ERICH1: variants seen among roughly 807,000 people sequenced by gnomAD.
ERICH1 encodes the protein glutamate rich 1.
In ERICH1, 56 loss-of-function variants were observed where a neutral mutation model predicts 39.6. That is an observed-to-expected ratio of 1.41 (90% CI 1.14 to 1.77). The LOEUF is 1.77. ERICH1 is among the 40% of genes most tolerant of loss of function. The pLI is 0.00. For missense variants in ERICH1, 826 were observed against 575.4 expected (o/e 1.44, Z -4.45); for synonymous variants, 313 against 223.6 (o/e 1.40, Z -3.57).
At chr8:689,316 G>C (rs1195734516) in intron 3 of ERICH1, among the ~76,000 whole-genome samples, 1 of 152,196 alleles carries the variant, frequency 6.6e-6, no homozygotes, top group Non-Finnish European at 1.5e-5. Context: ...TCGCCATGTT[G>C]GCCAGGCTGT....
chr8:674,078 C>A, intron 3 of ERICH1, 31 bp from the exon 4 acceptor site: 1 of 1,509,156 alleles, frequency 6.6e-7, no homozygotes, highest in South Asian at 1.3e-5. Flanking sequence ...TAACAATTTT[C>A]AGTACAATGA....
rs139731216 is a variant in ERICH1 at position 708,681 on chromosome 8, G to GTTTTT, written c.169+7175_169+7179dup. 2.1e-3 allele frequency among the ~76,000 whole-genome samples: 137 copies of GTTTTT among 65,752 alleles called. 10 individuals are homozygous for GTTTTT. The highest frequency in any genetic ancestry group is 6.2e-3 in the African/African-American group (108 of 17,524). 43.1% of individuals were successfully genotyped at this position (65,752 alleles called of 152,430 possible). ...GGGCTGAGTGGTTACGGGATAATGA[G>GTTTTT]TTTTTTTTTTTTTTTTTTTTTTTTT... On this transcript the variant is annotated intron_variant, in intron 2 of 5. Transcript: ENST00000262109.
In ERICH1 at chr8:679,792, G is replaced by T. The variant is rs1194111188; in HGVS notation, c.305-5745C>A. 5.9e-5 allele frequency among the ~76,000 whole-genome samples: 9 copies of T among 152,348 alleles called. No homozygotes were observed. In the South Asian group the frequency reaches 1.7e-3, roughly 28 times the overall value. ...ACTGGGGCTCCAGGCAGGGCACCAGGGAGACAACGTGTGCAAGAGCTGGAA... is the reference window on the plus strand; with the variant it reads ...ACTGGGGCTCCAGGCAGGGCACCAGTGAGACAACGTGTGCAAGAGCTGGAA... On this transcript the variant is annotated intron_variant, in intron 3 of 5. Transcript: ENST00000262109.
At chr8:711,407 A>G (rs896158577) in intron 2 of ERICH1, among the ~76,000 whole-genome samples, 2 of 152,300 alleles carry the variant, frequency 1.3e-5, no homozygotes, top group Non-Finnish European at 2.9e-5. Flanking sequence ...TGTTGTAGCT[A>G]AAAAGTCACT....
chr8:718,511 T>C (rs978632538), intron 1 of ERICH1, among the ~76,000 whole-genome samples: 21 of 152,104 alleles, frequency 1.4e-4, no homozygotes, highest in Admixed American at 1.1e-3. Context: ...CTGATATAGG[T>C]GTACAGTACA....
At chr8:643,710 C>T (rs149025204) in intron 3 of ERICH1, among the ~76,000 whole-genome samples, 184 of 152,332 alleles carry the variant, frequency 1.2e-3, no homozygotes, top group Admixed American at 3.6e-3. Flanking sequence ...TCCGCGACTT[C>T]GGGAGCTTGT....
At chr8:614,860 T>G (rs568114716) in exon 4 of ERICH1, 9 of 199,374 alleles carry the variant, frequency 4.5e-5, no homozygotes, top group African/African-American at 1.8e-4. Context: ...CAGGTGGAAG[T>G]TGGATGGGAA....
Position 692,513 on chromosome 8 carries a change from C to T in ERICH1, c.269G>A (p.Ser90Asn), listed in dbSNP as rs1415440556. 7.4e-6 allele frequency: 12 copies of T among 1,613,956 alleles called. No homozygotes were observed. Among genetic ancestry groups the T allele is most frequent in the Non-Finnish European group, 1.0e-5 (12 of 1,179,992 alleles). The change falls in exon 3 of 6, where the codon AGC becomes AAC. Residue 90 changes from serine to asparagine, a missense_variant. Transcript: ENST00000262109. ...PCWPEPSSCG[S>N]PENASSGDDT... ...ATCCCCGCTGGAGGCGTTCTCGGGG[C>T]TCCCACAGCTGCTGGGCTCCGGCCA...
chr8:657,886 C>T (rs1224059216), intron 3 of ERICH1, among the ~76,000 whole-genome samples: 1 of 152,182 alleles, frequency 6.6e-6, no homozygotes, highest in African/African-American at 2.4e-5. Flanking sequence ...GCACTGCCTT[C>T]AACCCCAGCC....
At chr8:719,221 G>C (rs1448116353) in intron 1 of ERICH1, among the ~76,000 whole-genome samples, 7 of 152,178 alleles carry the variant, frequency 4.6e-5, no homozygotes, top group African/African-American at 1.7e-4. Context: ...CCCCAGCCCT[G>C]GCTGTTTGAG....
intron 3 of ERICH1, among the ~76,000 whole-genome samples, chr8:678,359 CACA>C (rs1363449454): frequency 5.3e-5 from 8 of 152,020 alleles, no homozygotes; most frequent in African/African-American, 4.8e-5. Context: ...GGATACTGCA[CACA>C]ACGACATGCA....
intron 3 of ERICH1, among the ~76,000 whole-genome samples, chr8:621,731 C>G (rs937140923): frequency 6.6e-6 from 1 of 151,808 alleles, no homozygotes; most frequent in Non-Finnish European, 1.5e-5. Context: ...GACTAAATTA[C>G]CAAAGTTAGA....
chr8:701,103 T>TA (rs55832869), intron 2 of ERICH1, among the ~76,000 whole-genome samples: 108,453 of 151,320 alleles, frequency 0.72, 39,889 homozygotes, highest in Non-Finnish European at 0.8. Context: ...GACCTGATTT[T>TA]AAACACACAT....
chr8:693,457 C>A (rs1809406756), intron 2 of ERICH1, among the ~76,000 whole-genome samples: 1 of 152,252 alleles, frequency 6.6e-6, no homozygotes, highest in African/African-American at 2.4e-5. Flanking sequence ...GACTTAACCA[C>A]TTTCCTCAAT....
chr8:691,428 G>C (rs1272206913), intron 3 of ERICH1, among the ~76,000 whole-genome samples: 3 of 152,360 alleles, frequency 2.0e-5, no homozygotes, highest in African/African-American at 7.2e-5. Context: ...GGCCTGTCCT[G>C]GGAACATGAG....
At chr8:651,554 C>T (rs1030346328) in intron 3 of ERICH1, among the ~76,000 whole-genome samples, 3 of 152,016 alleles carry the variant, frequency 2.0e-5, no homozygotes, top group Non-Finnish European at 4.4e-5. Context: ...CCTGGGAGTC[C>T]ACGAAGTGGG....
In ERICH1 at chr8:700,372, G is replaced by GGCGCACAGGCCCGCACAC. The variant is rs1563298929; in HGVS notation, c.170-7778_170-7761dup. On this transcript the variant is annotated intron_variant, in intron 2 of 5. Transcript: ENST00000262109. ...CCGCACACGCGCACAGGCCCGCACA[G>GGCGCACAGGCCCGCACAC]GCGCACAGGCCCGCACACGCGCACA... Among the ~76,000 whole-genome samples the GGCGCACAGGCCCGCACAC allele has an allele frequency of 6.1e-4, 13 of 21,156 alleles. 1 individual carries two copies. The highest frequency in any genetic ancestry group is 1.2e-3 in the African/African-American group (11 of 9,046). 13.9% of individuals were successfully genotyped at this position (21,156 alleles called of 152,430 possible). A position where few individuals can be genotyped will look rare whatever the true frequency, so the allele number is the denominator to read the frequency against.
chr8:705,344 A>AC (rs1813028640), intron 2 of ERICH1, among the ~76,000 whole-genome samples: 1 of 152,206 alleles, frequency 6.6e-6, no homozygotes, highest in African/African-American at 2.4e-5. Flanking sequence ...TGCAGAAGTG[A>AC]CCCACGGTTC....
chr8:661,743 C>T (rs1338525879), downstream of ERICH1, among the ~76,000 whole-genome samples: 1 of 152,312 alleles, frequency 6.6e-6, no homozygotes, highest in East Asian at 1.9e-4. Context: ...GAATGATACA[C>T]AAAACGAATT....
Sources: allele counts gnomAD v4.1 joint callset (sites outside exome capture counted in the v4.1 genomes callset), GRCh38; gene constraint gnomAD v4.1.1; transcripts MANE v1.5; gene names NCBI Gene and HGNC (gene_info 2026-07-23, HGNC 2026-07-21).